Variants in DPP3 observed in about 807,000 individuals in gnomAD.
DPP3 encodes the protein dipeptidyl peptidase 3.
In DPP3, 64 loss-of-function variants were observed where a neutral mutation model predicts 89.8. The observed-to-expected ratio is 0.71, with a 90% CI of 0.58 to 0.88. The LOEUF is 0.88. Among genes scored for constraint, DPP3 ranks in the 40% least tolerant of loss-of-function variants. The probability of loss-of-function intolerance (pLI) is 0.00; values close to 1 mark genes in which losing one functional copy is unlikely to be tolerated. For missense variants in DPP3, 835 were observed against 972.5 expected, an observed-to-expected ratio of 0.86 and a Z score of 1.88; for synonymous variants, 377 against 404.3, an observed-to-expected ratio of 0.93 and a Z score of 0.81.
chr11:66,486,474 G>T, intron 3 of DPP3, 66 bp from the exon 4 acceptor site: 1 of 1,430,282 alleles, frequency 7.0e-7, no homozygotes, highest in South Asian at 1.6e-5. Flanking sequence ...TTGGGAGTGG[G>T]TAGGGAGGCT....
At chr11:66,506,892 A>G (rs559153925) in intron 17 of DPP3, among the ~76,000 whole-genome samples, 19 of 148,748 alleles carry the variant, frequency 1.3e-4, no homozygotes, top group Admixed American at 4.8e-4. Context: ...CTGTTCTGCT[A>G]CCCAGTTTCA....
intron 16 of DPP3, 103 bp downstream of exon 16, chr11:66,497,580 C>T (rs1038202983): frequency 1.0e-5 from 15 of 1,435,428 alleles, no homozygotes; most frequent in Admixed American, 2.5e-5. Context: ...TCTTATGCTG[C>T]AGTGAGGAAA....
At chr11:66,487,756 C>G (rs1203921564) in intron 5 of DPP3, among the ~76,000 whole-genome samples, 158 bp from the exon 6 acceptor site, 1 of 152,058 alleles carries the variant, frequency 6.6e-6, no homozygotes, top group East Asian at 1.9e-4. Context: ...CCTGGGCTGC[C>G]CACTCCCACT....
At chr11:66,502,154 T>C (rs1855692988) in intron 16 of DPP3, among the ~76,000 whole-genome samples, 1 of 151,986 alleles carries the variant, frequency 6.6e-6, no homozygotes, top group Non-Finnish European at 1.5e-5. Flanking sequence ...ATCACGCCAC[T>C]GCGCTCCAGC....
intron 16 of DPP3, among the ~76,000 whole-genome samples, chr11:66,501,579 C>A (rs57458798): frequency 6.6e-6 from 1 of 151,980 alleles, no homozygotes; most frequent in Non-Finnish European, 1.5e-5. Flanking sequence ...AATCCCAGCA[C>A]TTTGGGAGGC....
intron 3 of DPP3, 46 bp downstream of exon 3, chr11:66,485,308 G>T: frequency 6.4e-7 from 1 of 1,573,270 alleles, no homozygotes; most frequent in Non-Finnish European, 8.7e-7. Context: ...GGGGCTGGTG[G>T]GGTAGAGATG....
At chr11:66,503,313 T>C (rs1218980878) in intron 16 of DPP3, among the ~76,000 whole-genome samples, 1 of 152,222 alleles carries the variant, frequency 6.6e-6, no homozygotes, top group Admixed American at 6.5e-5. Flanking sequence ...CTGCCTTGTC[T>C]ACATGTCAAA....
rs918086973 is a variant in DPP3, at chr11:66,492,560, C to T, written c.989-156C>T. 1.9e-5 allele frequency: 16 copies of T among 851,290 alleles called. No homozygotes were observed. The African/African-American group carries it at 2.3e-4, about 12-fold the overall frequency. 52.7% of individuals were successfully genotyped at this position (851,290 alleles called of 1,614,324 possible). On this transcript the variant is annotated intron_variant, in intron 9 of 17. Transcript: ENST00000531863. Reference sequence around the variant, plus strand: ...CATCTTTCCTGTCCAGGTCCTGACCCAGTAGGGCCCAGGCCTGGGTCACTG... The same window carrying T: ...CATCTTTCCTGTCCAGGTCCTGACCTAGTAGGGCCCAGGCCTGGGTCACTG...
intron 1 of DPP3, among the ~76,000 whole-genome samples, chr11:66,481,854 G>A (rs1328515578): frequency 6.6e-6 from 1 of 152,084 alleles, no homozygotes; most frequent in African/African-American, 2.4e-5. Flanking sequence ...CACCATGTTG[G>A]TCAGGCTGGT....
At chr11:66,490,800 T>G (rs1362421999) in intron 6 of DPP3, among the ~76,000 whole-genome samples, 2 of 150,574 alleles carry the variant, frequency 1.3e-5, no homozygotes, top group Admixed American at 6.6e-5. Flanking sequence ...ATGGAGTCTC[T>G]TCTCTGTTGC....
In DPP3 at chr11:66,487,324, G is replaced by A. The variant is rs780205123; in HGVS notation, c.555G>A (p.Gln185=). 2 of 1,613,912 alleles carry A rather than the reference G, an allele frequency of 1.2e-6. No homozygotes were observed. Among genetic ancestry groups the A allele is most frequent in the Admixed American group, 1.7e-5 (1 of 59,982 alleles). Residue 185 remains glutamine, a synonymous_variant, in exon 5 of 18, where the codon CAG becomes CAA. Transcript: ENST00000531863. The part of the protein sequence containing the change: ...NCTMEDAKLA[Q]DFLDSQNLSA... ...CCATGGAAGATGCCAAATTGGCCCA[G>A]GACTTTCTGGACTCACAGGTTTGGG...
In DPP3 at chr11:66,509,407, T is replaced by C; in HGVS notation, c.*156T>C. 1 of 1,536,874 alleles carries C rather than the reference T, an allele frequency of 6.5e-7. No individual in the cohort carries two copies. Among genetic ancestry groups the C allele is most frequent in the Non-Finnish European group, 8.7e-7 (1 of 1,146,844 alleles). ...GTGGTGACACAACCCCTTCCATTTG[T>C]CAGCACTTTCCAGCCTGCCAATTGC... On this transcript the variant is annotated 3_prime_UTR_variant, in exon 18 of 18. Coordinates refer to ENST00000531863, the MANE Select transcript of DPP3 (RefSeq NM_130443.4).
chr11:66,498,758 A>G (rs1855606139), intron 16 of DPP3, among the ~76,000 whole-genome samples: 1 of 152,206 alleles, frequency 6.6e-6, no homozygotes, highest in Admixed American at 6.5e-5. Context: ...GTGATGGCTC[A>G]TGCCTGTAAT....
Position 66,482,295 on chromosome 11 carries a change from T to G in DPP3, c.95T>G (p.Leu32Arg). The change falls in exon 2 of 18, where the codon CTC becomes CGC. Residue 32 changes from leucine to arginine, a missense_variant. Leu to Arg is a moderately radical substitution (Grantham distance 102, BLOSUM62 -2). Coordinates refer to ENST00000531863, the MANE Select transcript of DPP3 (RefSeq NM_130443.4). Reference sequence around the variant, plus strand: ...CGCCTGCTGTCACCCACAGAGCGCCTCTATGCCTACCACCTGTCCCGTGCC... The same window carrying G: ...CGCCTGCTGTCACCCACAGAGCGCCGCTATGCCTACCACCTGTCCCGTGCC... ...AFRLLSPTER[L>R]YAYHLSRAAW... 1 of 1,614,122 alleles carries G rather than the reference T, an allele frequency of 6.2e-7. No homozygotes were observed.
At chr11:66,507,628 A>T (rs1281493688) in intron 17 of DPP3, among the ~76,000 whole-genome samples, 1 of 142,710 alleles carries the variant, frequency 7.0e-6, no homozygotes, top group Non-Finnish European at 1.6e-5. Flanking sequence ...GGTGGTTCCC[A>T]CTAGATCTGA....
intron 3 of DPP3, among the ~76,000 whole-genome samples, chr11:66,485,805 G>T (rs1855209839): frequency 6.6e-6 from 1 of 152,140 alleles, no homozygotes; most frequent in African/African-American, 2.4e-5. Flanking sequence ...AAGTGTAGTG[G>T]TGTGATCATG....
Position 66,482,237 on chromosome 11 carries a change from G to A in DPP3, c.37G>A (p.Gly13Ser), listed in dbSNP as rs955266815. 9 of 1,614,000 alleles carry A rather than the reference G, an allele frequency of 5.6e-6. No homozygotes were observed. Among genetic ancestry groups the A allele is most frequent in the Admixed American group, 3.3e-5 (2 of 59,998 alleles). The change falls in exon 2 of 18, where the codon GGC becomes AGC. Residue 13 changes from glycine (G) to serine (S), a missense_variant. Transcript: ENST00000531863. ...DTQYILPNDI[G>S]VSSLDCREAF... ...CCAGTACATCCTGCCCAATGACATC[G>A]GCGTGTCTAGCCTGGACTGCCGTGA...
intron 1 of DPP3, among the ~76,000 whole-genome samples, chr11:66,481,639 T>G (rs575647557): frequency 4.4e-4 from 67 of 152,110 alleles, no homozygotes; most frequent in African/African-American, 1.6e-3. Context: ...TACTAGGTAG[T>G]TAGAGTCAAT....
intron 16 of DPP3, among the ~76,000 whole-genome samples, chr11:66,502,964 TTTTA>T (rs562738329): frequency 7.8e-4 from 119 of 151,802 alleles, no homozygotes; most frequent in Non-Finnish European, 1.4e-3. Flanking sequence ...AAATGTTTTA[TTTTA>T]TTTATTTATT....
Sources: allele counts gnomAD v4.1 joint callset (sites outside exome capture counted in the v4.1 genomes callset), GRCh38; gene constraint gnomAD v4.1.1; transcripts MANE v1.5; gene names NCBI Gene and HGNC (gene_info 2026-07-23, HGNC 2026-07-21).